Variants in IFT74 observed in about 807,000 individuals in gnomAD.
IFT74 encodes intraflagellar transport 74.
IFT74 carries 92 observed loss-of-function variants against 96.7 expected under a neutral mutation model. The observed-to-expected ratio is 0.95, with a 90% CI of 0.80 to 1.13. The LOEUF is 1.13. IFT74 is among the 50% of genes most tolerant of loss of function. The pLI is 0.00. For synonymous variants in IFT74, 223 were observed against 213.2 expected, an observed-to-expected ratio of 1.05 and a Z score of -0.40; for missense variants, 811 against 698.2, an observed-to-expected ratio of 1.16 and a Z score of -1.82.
intron 8 of IFT74, among the ~76,000 whole-genome samples, chr9:26,992,701 A>AG: frequency 6.6e-6 from 1 of 152,154 alleles, no homozygotes; most frequent in East Asian, 1.9e-4. Context: ...TCAAAAAAAA[A>AG]AAAATAACAA....
intron 12 of IFT74, among the ~76,000 whole-genome samples, chr9:27,024,096 G>C (rs907803581): frequency 3.9e-5 from 6 of 152,158 alleles, no homozygotes; most frequent in African/African-American, 1.4e-4. Context: ...GAACAATCCT[G>C]CTCCAAGGGA....
chr9:26,984,441 T>C lies in IFT74; in HGVS notation c.405-58T>C. On this transcript the variant is annotated intron_variant, in intron 5 of 19. Transcript: ENST00000380062. ...CTATCCATATTGTTTGTAATGTTCA[T>C]TTTCTTATGTATATTTTTATGTACA... 1.9e-6 allele frequency: 3 copies of C among 1,583,692 alleles called. No homozygotes were observed. In the South Asian group the frequency reaches 3.4e-5, roughly 18 times the overall value.
chr9:27,018,347 A>G (rs1829446489), intron 11 of IFT74, among the ~76,000 whole-genome samples: 1 of 152,176 alleles, frequency 6.6e-6, no homozygotes, highest in Admixed American at 6.5e-5. Flanking sequence ...AATCTCAGAA[A>G]TCCTAGATGT....
At chr9:26,954,359 T>A (rs975198254), upstream of IFT74, among the ~76,000 whole-genome samples, 1 of 152,202 alleles carries the variant, frequency 6.6e-6, no homozygotes, top group African/African-American at 2.4e-5. Flanking sequence ...CTGCTCAAAC[T>A]TTAACCAGTC....
At chr9:27,057,435 TTGAA>T (rs1820216602) in intron 18 of IFT74, among the ~76,000 whole-genome samples, 1 of 152,212 alleles carries the variant, frequency 6.6e-6, no homozygotes, top group Non-Finnish European at 1.5e-5. Flanking sequence ...TGTTGAATGA[TTGAA>T]TGAAGCATTA....
intron 8 of IFT74, among the ~76,000 whole-genome samples, chr9:27,001,486 T>G (rs1828487968): frequency 6.6e-6 from 1 of 152,320 alleles, no homozygotes; most frequent in East Asian, 1.9e-4. Flanking sequence ...CCTGTCATAT[T>G]GATAGAAGCT....
At chr9:26,974,802 A>G (rs1472101595) in intron 2 of IFT74, among the ~76,000 whole-genome samples, 1 of 152,192 alleles carries the variant, frequency 6.6e-6, no homozygotes, top group Non-Finnish European at 1.5e-5. Flanking sequence ...CAGCCACCCC[A>G]TAAGGGTCAT....
intron 2 of IFT74, 34 bp downstream of exon 2, chr9:26,962,121 G>A (rs1290456561): frequency 6.2e-7 from 1 of 1,610,958 alleles, no homozygotes; most frequent in Admixed American, 1.7e-5. Context: ...ACTTTGGGAG[G>A]CCAAGGTGGG....
At chr9:27,019,054 C>T (rs1428568385) in intron 12 of IFT74, among the ~76,000 whole-genome samples, 1 of 152,074 alleles carries the variant, frequency 6.6e-6, no homozygotes, top group African/African-American at 2.4e-5. Context: ...TCACTGTAAC[C>T]TCAAACTCCT....
rs1440756291 is a variant in IFT74, at chr9:26,988,742, TA to T, written c.525+18del. On this transcript the variant is annotated intron_variant, in intron 7 of 19. Coordinates refer to ENST00000380062, the MANE Select transcript of IFT74 (RefSeq NM_025103.4). Reference sequence around the variant, plus strand: ...GATTACAATATGGTAAGAAAATTTATAAAAGCAAATTGATCTATGTAAGTCA... The same window carrying T: ...GATTACAATATGGTAAGAAAATTTATAAAGCAAATTGATCTATGTAAGTCA... 1.1e-5 allele frequency: 16 copies of T among 1,513,802 alleles called. No individual in the cohort carries two copies. In the Admixed American group the frequency reaches 3.1e-4, roughly 29 times the overall value. The allele number at this position is 1,513,802 out of a possible 1,614,324, so 93.8% of individuals were successfully genotyped here.
At chr9:27,036,523 T>C (rs1819197956) in intron 13 of IFT74, 1 of 1,612,936 alleles carries the variant, frequency 6.2e-7, no homozygotes, top group Admixed American at 1.7e-5. Context: ...GAACCTGCCA[T>C]GTGCTAAGCA....
chr9:26,983,366 G>T (rs1827471895), intron 4 of IFT74, among the ~76,000 whole-genome samples: 2 of 152,214 alleles, frequency 1.3e-5, no homozygotes, highest in South Asian at 4.1e-4. Context: ...AGCTATTTGT[G>T]TAATTGTCTG....
At position 26,978,185 on chromosome 9, in the gene IFT74, G is replaced by T. The variant is rs766183988; in HGVS notation, c.178G>T (p.Val60Phe). 5.6e-6 allele frequency: 9 copies of T among 1,613,486 alleles called. No homozygotes were observed. The African/African-American group carries it at 1.2e-4, about 22-fold the overall frequency. The change falls in exon 3 of 20, where the codon GTT becomes TTT. Residue 60 changes from valine (V) to phenylalanine (F), a missense_variant. By Grantham distance (50) the Val-to-Phe change is conservative. Transcript: ENST00000380062. ...TGGTTGTCCCATAGGGACTGGTGGA[G>T]TTCTGTCTTCTCAAATCAAAGTTGC... ...SRGCPIGTGG[V>F]LSSQIKVAHR...
chr9:26,954,993 C>T (rs1826034894), upstream of IFT74, among the ~76,000 whole-genome samples: 1 of 152,052 alleles, frequency 6.6e-6, no homozygotes, highest in Non-Finnish European at 1.5e-5. Flanking sequence ...GAAATGGGGA[C>T]AGGGATCAAT....
intron 15 of IFT74, 101 bp downstream of exon 15, chr9:27,047,472 C>A: frequency 1.7e-6 from 1 of 605,482 alleles, no homozygotes; most frequent in South Asian, 2.3e-5. Flanking sequence ...TGTATCTTCT[C>A]ATTTAACTGC....
chr9:26,952,577 G>A (rs1444811789), upstream of IFT74, among the ~76,000 whole-genome samples: 3 of 152,086 alleles, frequency 2.0e-5, no homozygotes, highest in Non-Finnish European at 4.4e-5. Flanking sequence ...GTGCCTTGCC[G>A]AAAGTTTATT....
chr9:26,947,652 G>T (rs1174393531), intron 1 of IFT74, among the ~76,000 whole-genome samples: 2 of 152,182 alleles, frequency 1.3e-5, no homozygotes, highest in Non-Finnish European at 2.9e-5. Flanking sequence ...GAATCTCGAG[G>T]TTTTTGCAAG....
chr9:27,000,497 T>C (rs1828423380), intron 8 of IFT74, among the ~76,000 whole-genome samples: 2 of 152,208 alleles, frequency 1.3e-5, no homozygotes, highest in African/African-American at 4.8e-5. Flanking sequence ...ATGGTAACTT[T>C]TAAAAATTTT....
intron 13 of IFT74, among the ~76,000 whole-genome samples, chr9:27,030,565 A>AC (rs1554675722): frequency 6.7e-6 from 1 of 149,298 alleles, no homozygotes; most frequent in Non-Finnish European, 1.5e-5. Context: ...AAAAAAAAAA[A>AC]GGGTACACTG....
Sources: gnomAD v4.1 joint callset for allele counts (sites outside exome capture counted in the v4.1 genomes callset) on GRCh38, gnomAD v4.1.1 for gene constraint, MANE v1.5 for transcripts, NCBI Gene and HGNC (gene_info 2026-07-23, HGNC 2026-07-21) for gene names.